NYAP2: variants seen among roughly 807,000 people sequenced by gnomAD.
NYAP2 encodes neuronal tyrosine-phosphorylated phosphoinositide-3-kinase adaptor 2.
Under a neutral mutation model 50.4 loss-of-function variants are expected in NYAP2, and 23 were observed. The ratio of observed to expected loss-of-function variants is 0.46; its 90% CI spans 0.33 to 0.65. The LOEUF (loss-of-function observed/expected upper bound fraction) is 0.65, where lower values mean the gene tolerates loss of function less well. Ranked by LOEUF, NYAP2 falls within the 30% of genes least tolerant of loss-of-function variation. The pLI, the probability that NYAP2 is intolerant of heterozygous loss-of-function variation, is 0.02. For synonymous variants in NYAP2, 394 were observed against 365.2 expected, an observed-to-expected ratio of 1.08 and a Z score of -0.90; for missense variants, 885 against 861.0, an observed-to-expected ratio of 1.03 and a Z score of -0.35.
intron 4 of NYAP2, among the ~76,000 whole-genome samples, chr2:225,546,840 G>A (rs1365602138): frequency 6.6e-6 from 1 of 152,162 alleles, no homozygotes; most frequent in Non-Finnish European, 1.5e-5. Flanking sequence ...ACCCCAGGCT[G>A]ACCTGTTCTA....
At chr2:225,617,377 C>T (rs1162321169) in intron 5 of NYAP2, among the ~76,000 whole-genome samples, 5 of 151,522 alleles carry the variant, frequency 3.3e-5, no homozygotes, top group East Asian at 1.9e-4. Context: ...TGCGGTGAGC[C>T]GAGATTGCAC....
chr2:225,569,673 T>C (rs1442159393), intron 4 of NYAP2, among the ~76,000 whole-genome samples: 5 of 152,190 alleles, frequency 3.3e-5, no homozygotes. Context: ...TCTCGTTTGA[T>C]TTTCATAATC....
At chr2:225,566,395 C>T (rs1691963225) in intron 4 of NYAP2, among the ~76,000 whole-genome samples, 2 of 152,180 alleles carry the variant, frequency 1.3e-5, no homozygotes, top group African/African-American at 4.8e-5. Flanking sequence ...AAAGGATAAT[C>T]CTCAGTAGAC....
exon 7 of NYAP2, chr2:225,651,740 G>A (rs532608872): frequency 1.3e-5 from 9 of 697,836 alleles, no homozygotes; most frequent in African/African-American, 9.0e-5. Context: ...CTTGTGATTG[G>A]TGGTGAAACT....
intron 5 of NYAP2, among the ~76,000 whole-genome samples, chr2:225,622,550 TTTCTTTCTTTTTCTTTCTTTCTTTCTTTC>T (rs1693130668): frequency 3.2e-5 from 1 of 31,524 alleles, no homozygotes; most frequent in Non-Finnish European, 6.4e-5. Flanking sequence ...TCTTTCTTTC[TTTCTTTCTTTTTCTTTCTTTCTTTCTTTC>T]TTCTTTCTTT....
At chr2:225,638,742 G>A (rs1693472038) in intron 6 of NYAP2, among the ~76,000 whole-genome samples, 4 of 152,318 alleles carry the variant, frequency 2.6e-5, no homozygotes, top group South Asian at 4.1e-4. Context: ...GCCAGAGGGT[G>A]AGAGACACTA....
At chr2:225,519,941 C>A (rs1196502798) in intron 4 of NYAP2, among the ~76,000 whole-genome samples, 1 of 152,044 alleles carries the variant, frequency 6.6e-6, no homozygotes, top group Non-Finnish European at 1.5e-5. Flanking sequence ...CTGTTGTTTC[C>A]TGACTTTTTA....
intron 4 of NYAP2, among the ~76,000 whole-genome samples, chr2:225,575,943 A>T (rs764202189): frequency 6.6e-6 from 1 of 152,168 alleles, no homozygotes; most frequent in Non-Finnish European, 1.5e-5. Flanking sequence ...TATATTTTCT[A>T]ATCTATTCTA....
At chr2:225,575,565 T>C (rs1199593369) in intron 4 of NYAP2, among the ~76,000 whole-genome samples, 1 of 152,218 alleles carries the variant, frequency 6.6e-6, no homozygotes, top group Non-Finnish European at 1.5e-5. Flanking sequence ...TTCATTTTCA[T>C]TATTGATTCC....
intron 6 of NYAP2, among the ~76,000 whole-genome samples, chr2:225,648,732 A>G (rs1314773670): frequency 6.6e-6 from 1 of 152,182 alleles, no homozygotes; most frequent in African/African-American, 2.4e-5. Flanking sequence ...AAGAAGCTGG[A>G]ACTTGGTTTG....
At chr2:225,422,934 A>G (rs910757036) in intron 3 of NYAP2, among the ~76,000 whole-genome samples, 1 of 152,088 alleles carries the variant, frequency 6.6e-6, no homozygotes, top group African/African-American at 2.4e-5. Context: ...TTATAAACAG[A>G]TGTTATTAAA....
At chr2:225,511,275 A>G (rs1022713207) in intron 3 of NYAP2, among the ~76,000 whole-genome samples, 2 of 151,152 alleles carry the variant, frequency 1.3e-5, no homozygotes, top group Admixed American at 6.6e-5. Flanking sequence ...TTTTTCACAA[A>G]CCACTCTGTT....
the NYAP2 span, chr2:225,700,507 T>C: frequency 6.6e-6 from 1 of 151,926 alleles, no homozygotes; most frequent in South Asian, 2.1e-4. Flanking sequence ...ATAGATTATG[T>C]TTCAAACCAA....
At chr2:225,650,143 T>G (rs976254681) in intron 6 of NYAP2, among the ~76,000 whole-genome samples, 5 of 152,154 alleles carry the variant, frequency 3.3e-5, no homozygotes, top group Non-Finnish European at 7.4e-5. Flanking sequence ...TCATTCTGTG[T>G]GTCTGCATGT....
the NYAP2 span, among the ~76,000 whole-genome samples, chr2:225,663,006 CT>C: frequency 6.6e-6 from 1 of 152,182 alleles, no homozygotes; most frequent in Admixed American, 6.5e-5. Context: ...CAAAAGCACA[CT>C]TTAGACCAGA....
At chr2:225,466,698 T>G (rs1236438635) in intron 3 of NYAP2, among the ~76,000 whole-genome samples, 1 of 152,190 alleles carries the variant, frequency 6.6e-6, no homozygotes, top group Non-Finnish European at 1.5e-5. Context: ...ACATGAGGTA[T>G]GAAAAGGTAA....
chr2:225,568,332 A>G (rs1691999622), intron 4 of NYAP2, among the ~76,000 whole-genome samples: 1 of 151,988 alleles, frequency 6.6e-6, no homozygotes, highest in Non-Finnish European at 1.5e-5. Flanking sequence ...ACCTGCCTCA[A>G]TTTTTCCACA....
intron 3 of NYAP2, among the ~76,000 whole-genome samples, chr2:225,474,895 T>G (rs963722919): frequency 6.6e-6 from 1 of 152,192 alleles, no homozygotes; most frequent in Non-Finnish European, 1.5e-5. Context: ...TACTCCTTTG[T>G]TTTTCAAAAC....
At chr2:225,483,132 C>G (rs903837530) in intron 3 of NYAP2, among the ~76,000 whole-genome samples, 2 of 152,050 alleles carry the variant, frequency 1.3e-5, no homozygotes, top group African/African-American at 2.4e-5. Context: ...AACATAACAT[C>G]TATATATTAT....
Sources: gnomAD v4.1 joint callset for allele counts (sites outside exome capture counted in the v4.1 genomes callset) on GRCh38, gnomAD v4.1.1 for gene constraint, MANE v1.5 for transcripts, NCBI Gene and HGNC (gene_info 2026-07-23, HGNC 2026-07-21) for gene names.